The following CRMP1 variants were observed in gnomAD, a reference collection of about 807,000 sequenced individuals.
CRMP1 encodes the protein collapsin response mediator protein 1, also known as dihydropyrimidinase-related protein 1.
A neutral mutation model predicts 68.3 loss-of-function variants in CRMP1; 19 were observed. The observed-to-expected ratio is 0.28, with a 90% CI of 0.19 to 0.41. The LOEUF (loss-of-function observed/expected upper bound fraction) is 0.41, where lower values mean the gene tolerates loss of function less well. CRMP1 is among the 10% of genes least tolerant of loss of function. The pLI is 1.00. For synonymous variants in CRMP1, 439 were observed against 399.6 expected (o/e 1.10, Z -1.18); for missense variants, 791 against 967.4 (o/e 0.82, Z 2.42).
rs1288886213 is a variant in CRMP1 at position 5,890,491 on chromosome 4, GC to G, written c.381+2097del. 1.3e-5 allele frequency among the ~76,000 whole-genome samples: 2 copies of G among 152,244 alleles called. No homozygotes were observed. The highest frequency in any genetic ancestry group is 4.8e-5 in the African/African-American group (2 of 41,478). ...CGGTGAGGCCCGCCCCGGAACCCGA[GC>G]CCACTGTAACCCAAGCCTCAAGGCC... is the stretch of plus-strand genomic sequence containing the variant. On this transcript the variant is annotated intron_variant, in intron 1 of 13. Coordinates refer to ENST00000324989, the MANE Select transcript of CRMP1 (RefSeq NM_001014809.3). The surrounding 1 kb of genome is among the most constrained non-coding windows in gnomAD (Gnocchi z 5.5).
Position 5,820,858 on chromosome 4 carries a change from T to TAAGTA in CRMP1, c.*897_*901dup, listed in dbSNP as rs1368196557. ...ATAAGAGCCACAACAAGTTGGTTGTTAAGTAAAAATGGGAGTGATTACAAA... is the reference window on the plus strand; with the variant it reads ...ATAAGAGCCACAACAAGTTGGTTGTTAAGTAAAGTAAAAATGGGAGTGATTACAAA... On this transcript the variant is annotated 3_prime_UTR_variant, in exon 14 of 14. Transcript: ENST00000324989. 1 of 152,214 alleles carries TAAGTA rather than the reference T, an allele frequency of 6.6e-6. No homozygotes were observed. Among genetic ancestry groups the TAAGTA allele is most frequent in the Non-Finnish European group, 1.5e-5 (1 of 68,042 alleles). 9.4% of individuals were successfully genotyped at this position (152,214 alleles called of 1,614,324 possible). A position where few individuals can be genotyped will look rare whatever the true frequency, so the allele number is the denominator to read the frequency against.
In CRMP1 at chr4:5,821,738, T is replaced by G. The variant is rs1718595355; in HGVS notation, c.*22A>C. ...ACATGATTCCCAGAATCCTTCAGGC[T>G]AGCTCCTCCGCGCATCCACGTTCAA... is the stretch of plus-strand genomic sequence containing the variant. On this transcript the variant is annotated 3_prime_UTR_variant, in exon 14 of 14. Transcript: ENST00000324989. The surrounding 1 kb of genome is among the most constrained non-coding windows in gnomAD (Gnocchi z 4.4). 1 of 1,589,092 alleles carries G rather than the reference T, an allele frequency of 6.3e-7. No homozygotes were observed. The highest frequency in any genetic ancestry group is 8.6e-7 in the Non-Finnish European group (1 of 1,164,992).
In CRMP1 at chr4:5,891,985, G is replaced by A. The variant is rs1395116103; in HGVS notation, c.381+604C>T. 3.3e-5 allele frequency among the ~76,000 whole-genome samples: 5 copies of A among 152,184 alleles called. No homozygotes were observed. Among genetic ancestry groups the A allele is most frequent in the African/African-American group, 9.7e-5 (4 of 41,444 alleles). ...CCCTTGAATCTACTGGCGCTTGAGG[G>A]TAGGGGTTTACGGCTCCAACTGCCC... On this transcript the variant is annotated intron_variant, in intron 1 of 13. Transcript: ENST00000324989. The surrounding 1 kb of genome is among the most constrained non-coding windows in gnomAD (Gnocchi z 5.2).
At chr4:5,839,188 C>T (rs1174165274) in intron 9 of CRMP1, among the ~76,000 whole-genome samples, 3 of 152,208 alleles carry the variant, frequency 2.0e-5, no homozygotes, top group African/African-American at 4.8e-5. Flanking sequence ...TCACGGGTGA[C>T]GTGCCAGGTC....
At chr4:5,862,544 G>A (rs970221255) in intron 2 of CRMP1, among the ~76,000 whole-genome samples, 1 of 152,220 alleles carries the variant, frequency 6.6e-6, no homozygotes, top group East Asian at 1.9e-4. Context: ...CTGGAGAACA[G>A]CGTCTTCTAA....
intron 3 of CRMP1, 115 bp from the exon 4 acceptor site, chr4:5,856,422 TCACCATAATTATCA>T: frequency 1.1e-6 from 1 of 937,016 alleles, no homozygotes; most frequent in Non-Finnish European, 1.6e-6. Flanking sequence ...ATCATCATCA[TCACCATAATTATCA>T]CACCATCACC....
chr4:5,827,734 C>T (rs1719897339), intron 12 of CRMP1, among the ~76,000 whole-genome samples: 1 of 101,690 alleles, frequency 9.8e-6, no homozygotes, highest in Admixed American at 8.3e-5. Flanking sequence ...TGTGCGCGTG[C>T]ACACACACAC....
intron 9 of CRMP1, 85 bp downstream of exon 9, chr4:5,839,432 TCCAAA>T (rs1183354472): frequency 1.3e-6 from 2 of 1,488,866 alleles, no homozygotes; most frequent in Non-Finnish European, 1.8e-6. Flanking sequence ...CAATCATGAG[TCCAAA>T]CCAGCCTGCG....
intron 1 of CRMP1, among the ~76,000 whole-genome samples, chr4:5,871,194 C>A (rs971675514): frequency 6.6e-6 from 1 of 152,176 alleles, no homozygotes; most frequent in Non-Finnish European, 1.5e-5. Context: ...AAAAAATAAG[C>A]CCACAGGAAG....
Position 5,838,150 on chromosome 4 carries a change from T to G in CRMP1, c.1311-1244A>C, listed in dbSNP as rs760752316. Among the ~76,000 whole-genome samples, 2 of 151,902 alleles carry G rather than the reference T, an allele frequency of 1.3e-5. No homozygotes were observed. The highest frequency in any genetic ancestry group is 1.3e-4 in the Admixed American group (2 of 15,256). On this transcript the variant is annotated intron_variant, in intron 9 of 13. Transcript: ENST00000324989. This position sits in a 1 kb window ranked among gnomAD's most constrained non-coding sequence, Gnocchi z 4.9. Reference sequence around the variant, plus strand: ...CTGAAGGAAGTCACAGAGCAAACCATGTGGCGTCTAAGAAAGAGGGAACTA... The same window carrying G: ...CTGAAGGAAGTCACAGAGCAAACCAGGTGGCGTCTAAGAAAGAGGGAACTA...
Position 5,865,491 on chromosome 4 carries a change from C to T in CRMP1, c.470+1177G>A, listed in dbSNP as rs1713924182. On this transcript the variant is annotated intron_variant, in intron 2 of 13. Transcript: ENST00000324989. The surrounding 1 kb of genome is among the most constrained non-coding windows in gnomAD (Gnocchi z 4.1). ...AAAAAAGTAGCGGGGCATGGTGATG[C>T]ATGCCTGTAGTCCTAGCTACTCGGG... 6.6e-6 allele frequency among the ~76,000 whole-genome samples: 1 copy of T among 151,890 alleles called. No homozygotes were observed. The highest frequency in any genetic ancestry group is 2.4e-5 in the African/African-American group (1 of 41,338).
intron 1 of CRMP1, among the ~76,000 whole-genome samples, chr4:5,880,332 A>G (rs559663640): frequency 7.2e-5 from 11 of 152,348 alleles, no homozygotes; most frequent in African/African-American, 2.6e-4. Context: ...TATAGAAATC[A>G]AACATTTGCT....
rs199912875 is a variant in CRMP1 at position 5,835,896 on chromosome 4, C to G, written c.1623+19G>C. The G allele has an allele frequency of 1.3e-5, 18 of 1,434,500 alleles. 1 individual carries two copies. In the South Asian group the frequency reaches 2.7e-4, roughly 21 times the overall value. The allele number at this position is 1,434,500 out of a possible 1,614,324, so 88.9% of individuals were successfully genotyped here. ...CGAAGAATCACTTATCTCAGCAGCA[C>G]AAATAGGCCAGGACTTACCGACTTG... On this transcript the variant is annotated intron_variant, in intron 11 of 13. Coordinates refer to ENST00000324989, the MANE Select transcript of CRMP1 (RefSeq NM_001014809.3).
In CRMP1 at chr4:5,838,264, G is replaced by C. The variant is rs182370775; in HGVS notation, c.1310+1258C>G. Reference sequence around the variant, plus strand: ...ATGAAGCTGGGACTGGACCGAGGGAGCCAAGGGCAGAGGAGGCCCAGGGAG... The same window carrying C: ...ATGAAGCTGGGACTGGACCGAGGGACCCAAGGGCAGAGGAGGCCCAGGGAG... On this transcript the variant is annotated intron_variant, in intron 9 of 13. Coordinates refer to ENST00000324989, the MANE Select transcript of CRMP1 (RefSeq NM_001014809.3). The surrounding 1 kb of genome is among the most constrained non-coding windows in gnomAD (Gnocchi z 4.9). 6.6e-6 allele frequency among the ~76,000 whole-genome samples: 1 copy of C among 152,156 alleles called. No homozygotes were observed. Among genetic ancestry groups the C allele is most frequent in the Non-Finnish European group, 1.5e-5 (1 of 68,020 alleles).
Position 5,825,613 on chromosome 4 carries a change from A to G in CRMP1, c.1850T>C (p.Val617Ala). 1 of 1,606,544 alleles carries G rather than the reference A, an allele frequency of 6.2e-7. No homozygotes were observed. Among genetic ancestry groups the G allele is most frequent in the African/African-American group, 1.3e-5 (1 of 74,552 alleles). ...TTTGGGTGTAGCTGGTACCTCGTACACAGGACCGTCATACATGCCCCTGGA... is the reference window on the plus strand; with the variant it reads ...TTTGGGTGTAGCTGGTACCTCGTACGCAGGACCGTCATACATGCCCCTGGA... ...GVSRGMYDGP[V>A]YEVPATPKYA... Residue 617 changes from valine to alanine, a missense_variant, in exon 13 of 14, where the codon GTG becomes GCG. Coordinates refer to ENST00000324989, the MANE Select transcript of CRMP1 (RefSeq NM_001014809.3). The surrounding 1 kb of genome is among the most constrained non-coding windows in gnomAD (Gnocchi z 4.4).
At chr4:5,828,696 C>G (rs554895911) in intron 11 of CRMP1, 28 bp from the exon 12 acceptor site, 19 of 1,607,066 alleles carry the variant, frequency 1.2e-5, no homozygotes, top group African/African-American at 6.7e-5. Context: ...GTGTTACTTC[C>G]CAGGATTTGC....
chr4:5,873,618 C>G (rs1315423721), intron 1 of CRMP1, among the ~76,000 whole-genome samples: 1 of 152,154 alleles, frequency 6.6e-6, no homozygotes, highest in South Asian at 2.1e-4. Flanking sequence ...ATCACAAGAA[C>G]AGCACCAAAG....
Position 5,888,599 on chromosome 4 carries a change from G to A in CRMP1, c.381+3990C>T. On this transcript the variant is annotated intron_variant, in intron 1 of 13. Coordinates refer to ENST00000324989, the MANE Select transcript of CRMP1 (RefSeq NM_001014809.3). The surrounding 1 kb of genome is among the most constrained non-coding windows in gnomAD (Gnocchi z 6.4). The stretch of plus-strand genomic sequence containing the variant: ...CGCCCCTCTCGGCTCGAACCAGGAA[G>A]CGCTTCCCTTCCGATCTCCCACCCC... 9.5e-7 allele frequency: 1 copy of A among 1,050,836 alleles called. No homozygotes were observed. Among genetic ancestry groups the A allele is most frequent in the Non-Finnish European group, 1.1e-6 (1 of 872,680 alleles). The allele number at this position is 1,050,836 out of a possible 1,614,324, so 65.1% of individuals were successfully genotyped here.
chr4:5,821,595 C>A lies in CRMP1; in HGVS notation c.*165G>T. On this transcript the variant is annotated 3_prime_UTR_variant, in exon 14 of 14. Transcript: ENST00000324989. The surrounding 1 kb of genome is among the most constrained non-coding windows in gnomAD (Gnocchi z 4.4). ...AAGGAATTTCCAAGCAAACACACCA[C>A]ACTAGTACCACTTCTTCCTAAACAG... The A allele has an allele frequency of 2.9e-6, 2 of 680,400 alleles. No individual in the cohort carries two copies. Among genetic ancestry groups the A allele is most frequent in the South Asian group, 3.7e-5 (2 of 54,118 alleles). 42.1% of individuals were successfully genotyped at this position (680,400 alleles called of 1,614,324 possible). A position where few individuals can be genotyped will look rare whatever the true frequency, so the allele number is the denominator to read the frequency against.
Sources: gnomAD v4.1 joint callset for allele counts (sites outside exome capture counted in the v4.1 genomes callset) on GRCh38, gnomAD v4.1.1 for gene constraint, Gnocchi (gnomAD v3.1) non-coding constraint, MANE v1.5 for transcripts, NCBI Gene and HGNC (gene_info 2026-07-23, HGNC 2026-07-21) for gene names.